Variants in RFX3 observed in about 807,000 individuals in gnomAD.
RFX3 encodes the protein regulatory factor X3.
RFX3 carries 14 observed loss-of-function variants against 98.6 expected under a neutral mutation model. The observed-to-expected ratio is 0.14, with a 90% CI of 0.09 to 0.22. The LOEUF is 0.22. RFX3 is among the 10% of genes least tolerant of loss of function. The pLI, the probability that RFX3 is intolerant of heterozygous loss-of-function variation, is 1.00. For missense variants in RFX3, 639 were observed against 926.9 expected (o/e 0.69, Z 4.03); for synonymous variants, 383 against 328.4 (o/e 1.17, Z -1.80).
intron 1 of RFX3, among the ~76,000 whole-genome samples, chr9:3,407,228 T>C (rs1055153591): frequency 6.6e-6 from 1 of 152,174 alleles, no homozygotes; most frequent in African/African-American, 2.4e-5. Flanking sequence ...TTCTTCTATG[T>C]TCTCTTAATA....
At chr9:3,299,282 C>T (rs1828361149) in intron 5 of RFX3, among the ~76,000 whole-genome samples, 1 of 151,598 alleles carries the variant, frequency 6.6e-6, no homozygotes, top group South Asian at 2.1e-4. Flanking sequence ...TAGCAAATTC[C>T]AGTTGTTTTT....
At chr9:3,295,056 A>G (rs1350039396) in intron 5 of RFX3, among the ~76,000 whole-genome samples, 1 of 152,092 alleles carries the variant, frequency 6.6e-6, no homozygotes, top group Non-Finnish European at 1.5e-5. Flanking sequence ...GGGGCGCTTA[A>G]ACATGATTTC....
chr9:3,506,395 T>C (rs903802274), intron 1 of RFX3, among the ~76,000 whole-genome samples: 2 of 151,802 alleles, frequency 1.3e-5, no homozygotes, highest in Non-Finnish European at 2.9e-5. Flanking sequence ...ACTGAAGTCC[T>C]GATCCTCTAC....
At chr9:3,298,729 G>C (rs1377356362) in intron 5 of RFX3, among the ~76,000 whole-genome samples, 3 of 151,800 alleles carry the variant, frequency 2.0e-5, no homozygotes, top group African/African-American at 7.2e-5. Flanking sequence ...GTGTGGAAAG[G>C]TGTAAAGCAA....
chr9:3,281,602 T>C (rs903725334), intron 7 of RFX3, among the ~76,000 whole-genome samples: 1 of 151,774 alleles, frequency 6.6e-6, no homozygotes, highest in Admixed American at 6.6e-5. Context: ...CAAATGATAA[T>C]TTTAACAGCT....
intron 2 of RFX3, among the ~76,000 whole-genome samples, chr9:3,347,068 C>G (rs1834514193): frequency 1.3e-5 from 2 of 152,130 alleles, no homozygotes; most frequent in South Asian, 2.1e-4. Context: ...CTCCTGTAAT[C>G]CTAGCACTCT....
At chr9:3,347,613 C>T (rs1364510384) in intron 2 of RFX3, among the ~76,000 whole-genome samples, 2 of 152,050 alleles carry the variant, frequency 1.3e-5, no homozygotes, top group Admixed American at 6.6e-5. Context: ...CACCTGAGGT[C>T]AGGAGTTCAA....
At chr9:3,520,598 A>G (rs1002715944) in intron 1 of RFX3, among the ~76,000 whole-genome samples, 3 of 152,226 alleles carry the variant, frequency 2.0e-5, no homozygotes, top group Non-Finnish European at 4.4e-5. Context: ...CTGGGAACCT[A>G]AAAGTTTTCA....
At chr9:3,315,905 T>G (rs1285888965) in intron 4 of RFX3, among the ~76,000 whole-genome samples, 2 of 151,954 alleles carry the variant, frequency 1.3e-5, no homozygotes, top group African/African-American at 2.4e-5. Context: ...CCAAAAAAAG[T>G]CCAGGACCAG....
chr9:3,364,162 C>T (rs756399707), intron 2 of RFX3, among the ~76,000 whole-genome samples: 1 of 152,256 alleles, frequency 6.6e-6, no homozygotes, highest in Non-Finnish European at 1.5e-5. Context: ...GCATGAACCA[C>T]TGCACCCAGC....
chr9:3,374,089 C>CGT (rs1306370130), intron 2 of RFX3, among the ~76,000 whole-genome samples: 33 of 143,908 alleles, frequency 2.3e-4, no homozygotes, highest in African/African-American at 4.5e-4. Context: ...CACACACACG[C>CGT]GCGCACACAC....
At chr9:3,316,885 A>G (rs2130641987) in intron 4 of RFX3, among the ~76,000 whole-genome samples, 1 of 152,334 alleles carries the variant, frequency 6.6e-6, no homozygotes. Context: ...AAATAAATGG[A>G]AGAATATTCC....
chr9:3,337,109 G>C (rs1221756346), intron 3 of RFX3, among the ~76,000 whole-genome samples: 1 of 152,154 alleles, frequency 6.6e-6, no homozygotes, highest in Non-Finnish European at 1.5e-5. Flanking sequence ...CAATGTTCTA[G>C]CCAGAGAGAC....
chr9:3,312,711 G>A (rs1167312830), intron 4 of RFX3, among the ~76,000 whole-genome samples: 2 of 152,200 alleles, frequency 1.3e-5, no homozygotes, highest in Non-Finnish European at 2.9e-5. Flanking sequence ...CACACCAGGA[G>A]ATTATATCTC....
At chr9:3,504,857 GATATA>G (rs1410314883) in intron 1 of RFX3, among the ~76,000 whole-genome samples, 2 of 25,786 alleles carry the variant, frequency 7.8e-5, no homozygotes, top group Non-Finnish European at 1.9e-4. Context: ...TATTATATAT[GATATA>G]ATATATATTA....
At chr9:3,299,699 C>T (rs1828417405) in intron 5 of RFX3, among the ~76,000 whole-genome samples, 1 of 151,602 alleles carries the variant, frequency 6.6e-6, no homozygotes, top group South Asian at 2.1e-4. Flanking sequence ...CAGCTTAATT[C>T]AAACATTTAT....
chr9:3,423,626 GC>G (rs1396890613), intron 1 of RFX3, among the ~76,000 whole-genome samples: 1 of 151,806 alleles, frequency 6.6e-6, no homozygotes, highest in Non-Finnish European at 1.5e-5. Context: ...ATCAGTGTTT[GC>G]CTGGGGCTGG....
chr9:3,436,342 A>T (rs543491521), intron 1 of RFX3, among the ~76,000 whole-genome samples: 8 of 152,236 alleles, frequency 5.3e-5, no homozygotes, highest in Admixed American at 4.6e-4. Context: ...AAGAACATAC[A>T]GAAGCAAGAA....
chr9:3,420,109 C>T (rs1041105591), intron 1 of RFX3, among the ~76,000 whole-genome samples: 18 of 152,206 alleles, frequency 1.2e-4, no homozygotes, highest in African/African-American at 4.3e-4. Flanking sequence ...GAACTGCCTC[C>T]CAGCCTCCGA....
Sources: gnomAD v4.1 joint callset for allele counts (sites outside exome capture counted in the v4.1 genomes callset) on GRCh38, gnomAD v4.1.1 for gene constraint, MANE v1.5 for transcripts, NCBI Gene and HGNC (gene_info 2026-07-23, HGNC 2026-07-21) for gene names.